Variants in PKHD1 observed in about 807,000 individuals in gnomAD.
PKHD1 encodes PKHD1 ciliary IPT domain containing fibrocystin/polyductin.
Under a neutral mutation model 412.0 loss-of-function variants are expected in PKHD1, and 291 were observed. The observed-to-expected ratio is 0.71, with a 90% CI of 0.64 to 0.78. The LOEUF is 0.78. Ranked by LOEUF, PKHD1 falls within the 30% of genes least tolerant of loss-of-function variation. The probability of loss-of-function intolerance (pLI) is 0.00; values close to 1 mark genes in which losing one functional copy is unlikely to be tolerated. For synonymous variants in PKHD1, 1,777 were observed against 1,821.5 expected (o/e 0.98, Z 0.62); for missense variants, 4,825 against 4,950.7 (o/e 0.97, Z 0.76).
At chr6:51,792,915 A>C (rs1178321146) in intron 52 of PKHD1, among the ~76,000 whole-genome samples, 9 of 152,186 alleles carry the variant, frequency 5.9e-5, no homozygotes, top group African/African-American at 2.2e-4. Context: ...ATATACATAC[A>C]TTATTGTACG....
chr6:51,941,492 T>C (rs1439362150), intron 36 of PKHD1, among the ~76,000 whole-genome samples: 2 of 150,504 alleles, frequency 1.3e-5, no homozygotes, highest in African/African-American at 4.9e-5. Context: ...CCTGACCTCA[T>C]GATCCACCCG....
chr6:51,905,371 A>G (rs567997160), intron 41 of PKHD1, among the ~76,000 whole-genome samples: 1 of 152,318 alleles, frequency 6.6e-6, no homozygotes, highest in South Asian at 2.1e-4. Flanking sequence ...GAAATGTGGT[A>G]TATAATTTTA....
At chr6:52,032,636 A>C (rs1373662356) in intron 29 of PKHD1, among the ~76,000 whole-genome samples, 1 of 152,248 alleles carries the variant, frequency 6.6e-6, no homozygotes, top group African/African-American at 2.4e-5. Context: ...TAAATTACTT[A>C]TTCTCTCCAT....
intron 50 of PKHD1, among the ~76,000 whole-genome samples, chr6:51,838,349 A>ATCTGT (rs1769601803): frequency 6.6e-6 from 1 of 152,154 alleles, no homozygotes; most frequent in African/African-American, 2.4e-5. Context: ...TTAATCTTGT[A>ATCTGT]TCTGTAGCTC....
intron 55 of PKHD1, among the ~76,000 whole-genome samples, chr6:51,762,719 T>C (rs1156943317): frequency 6.6e-6 from 1 of 151,752 alleles, no homozygotes. Context: ...TCATCTGAAA[T>C]ATGCTTATAT....
At chr6:51,676,741 G>A (rs865872624) in intron 60 of PKHD1, among the ~76,000 whole-genome samples, 1 of 152,120 alleles carries the variant, frequency 6.6e-6, no homozygotes, top group Admixed American at 6.6e-5. Flanking sequence ...TCAAAGCTGT[G>A]CTCCTCAATA....
intron 66 of PKHD1, 95 bp downstream of exon 66, chr6:51,626,902 C>A (rs1214899014): frequency 7.3e-7 from 1 of 1,372,556 alleles, no homozygotes; most frequent in African/African-American, 1.4e-5. Flanking sequence ...GGCTATAAAC[C>A]AAATTGCTTC....
At position 52,033,080 on chromosome 6, in the gene PKHD1, GA is replaced by G. The variant is rs1057516922; in HGVS notation, c.3313del (p.Ser1105ProfsTer2). The G allele has an allele frequency of 6.2e-7, 1 of 1,611,886 alleles. No individual in the cohort carries two copies. Among genetic ancestry groups the G allele is most frequent in the Non-Finnish European group, 8.5e-7 (1 of 1,178,066 alleles). ...CAGAGTCACAATAACTGGATTTAAG[GA>G]AGAGACATATGTAAATGCTCTGGGA... ...VLPRAFTYVS[S>X]LNPVIVTLSR... On this transcript the variant is annotated frameshift_variant, in exon 29 of 67. Coordinates refer to ENST00000371117, the MANE Select transcript of PKHD1 (RefSeq NM_138694.4). LOFTEE classifies it high-confidence loss of function.
Position 51,619,060 on chromosome 6 carries a change from A to T in PKHD1, c.*21T>A, listed in dbSNP as rs776862002. 6 of 1,609,042 alleles carry T rather than the reference A, an allele frequency of 3.7e-6. No individual in the cohort carries two copies. The highest frequency in any genetic ancestry group is 5.1e-6 in the Non-Finnish European group (6 of 1,175,640). ...CTGGGAACATTCTGCCTTTCAGGCCAAATGCCCCCAACTTCCCTGATCACA... is the reference window on the plus strand; with the variant it reads ...CTGGGAACATTCTGCCTTTCAGGCCTAATGCCCCCAACTTCCCTGATCACA... On this transcript the variant is annotated 3_prime_UTR_variant, in exon 67 of 67. Transcript: ENST00000371117.
intron 65 of PKHD1, among the ~76,000 whole-genome samples, chr6:51,629,769 A>G (rs1767708485): frequency 1.3e-5 from 2 of 152,230 alleles, no homozygotes; most frequent in African/African-American, 4.8e-5. Flanking sequence ...TACTTGAAAG[A>G]GCTTGAAATA....
intron 48 of PKHD1, among the ~76,000 whole-genome samples, chr6:51,866,553 A>C (rs919950189): frequency 3.3e-5 from 5 of 152,178 alleles, no homozygotes; most frequent in African/African-American, 1.2e-4. Flanking sequence ...CATCACATTG[A>C]CAAGTGCCTC....
chr6:51,874,117 A>C (rs1049767938), intron 46 of PKHD1, among the ~76,000 whole-genome samples: 1 of 152,240 alleles, frequency 6.6e-6, no homozygotes, highest in Admixed American at 6.5e-5. Flanking sequence ...AATCACCCCT[A>C]GAGAAATAGG....
At chr6:51,726,786 C>T (rs1782626336) in intron 60 of PKHD1, among the ~76,000 whole-genome samples, 1 of 152,146 alleles carries the variant, frequency 6.6e-6, no homozygotes, top group Non-Finnish European at 1.5e-5. Flanking sequence ...TTTATTTCAA[C>T]TAAGACTAAG....
intron 60 of PKHD1, among the ~76,000 whole-genome samples, chr6:51,685,794 C>T (rs1452513721): frequency 1.3e-5 from 2 of 152,070 alleles, no homozygotes; most frequent in African/African-American, 4.8e-5. Flanking sequence ...CATTACCAGG[C>T]CATGTAAGGA....
chr6:52,021,717 A>G (rs1801426390), intron 33 of PKHD1, among the ~76,000 whole-genome samples: 1 of 152,088 alleles, frequency 6.6e-6, no homozygotes, highest in Admixed American at 6.6e-5. Context: ...TAGCATTTTA[A>G]CAAAAATTTT....
At chr6:51,947,013 C>G (rs764388676) in intron 36 of PKHD1, among the ~76,000 whole-genome samples, 1 of 152,146 alleles carries the variant, frequency 6.6e-6, no homozygotes, top group Non-Finnish European at 1.5e-5. Flanking sequence ...TTATACCATA[C>G]AATACTAGTC....
At chr6:52,005,837 A>G (rs922842695) in intron 35 of PKHD1, among the ~76,000 whole-genome samples, 1 of 151,706 alleles carries the variant, frequency 6.6e-6, no homozygotes, top group African/African-American at 2.4e-5. Flanking sequence ...AAACCTACGT[A>G]ACTTTTTTTT....
chr6:52,055,873 A>C (rs1807653301), intron 18 of PKHD1, 144 bp from the exon 19 acceptor site: 1 of 774,588 alleles, frequency 1.3e-6, no homozygotes, highest in Non-Finnish European at 2.0e-6. Flanking sequence ...ACCTTGAGTA[A>C]GTAACTCAAC....
chr6:51,808,469 C>A (rs905156035), intron 52 of PKHD1, among the ~76,000 whole-genome samples: 3 of 151,824 alleles, frequency 2.0e-5, no homozygotes, highest in African/African-American at 7.3e-5. Flanking sequence ...AAAGTAGAGA[C>A]TAGTCATAAT....
Sources: gnomAD v4.1 joint callset for allele counts (sites outside exome capture counted in the v4.1 genomes callset) on GRCh38, gnomAD v4.1.1 for gene constraint, MANE v1.5 for transcripts, NCBI Gene and HGNC (gene_info 2026-07-23, HGNC 2026-07-21) for gene names.